The following RGPD3 variants were observed in gnomAD, a reference collection of about 807,000 sequenced individuals.
RGPD3 encodes ranBP2-like and GRIP domain-containing protein 3.
RGPD3 carries 62 observed loss-of-function variants against 154.5 expected under a neutral mutation model. The observed-to-expected ratio is 0.40, with a 90% CI of 0.33 to 0.50. The LOEUF is 0.50. RGPD3 is among the 20% of genes least tolerant of loss of function. The pLI is 0.59. For synonymous variants in RGPD3, 308 were observed against 607.0 expected, an observed-to-expected ratio of 0.51 and a Z score of 7.24; for missense variants, 919 against 1,716.8, an observed-to-expected ratio of 0.54 and a Z score of 8.21.
chr2:106,459,785 T>C (rs2104516142), intron 1 of RGPD3, among the ~76,000 whole-genome samples: 1 of 140,690 alleles, frequency 7.1e-6, no homozygotes, highest in South Asian at 2.4e-4. Flanking sequence ...GATTGTGCCA[T>C]TGCACTCCAG....
chr2:106,413,539 G>C (rs1392569138), intron 21 of RGPD3, among the ~76,000 whole-genome samples: 2 of 152,214 alleles, frequency 1.3e-5, no homozygotes. Flanking sequence ...AGCTGCATTT[G>C]CCTAGAAAGT....
intron 18 of RGPD3, among the ~76,000 whole-genome samples, chr2:106,428,740 A>C (rs532592377): frequency 1.1e-4 from 16 of 151,574 alleles, no homozygotes; most frequent in African/African-American, 3.9e-4. Context: ...TCTGTCGTAC[A>C]TAAAAGGAAC....
chr2:106,467,397 C>G (rs1231886277), intron 1 of RGPD3, among the ~76,000 whole-genome samples: 95 of 109,224 alleles, frequency 8.7e-4, no homozygotes, highest in Non-Finnish European at 9.5e-4. Context: ...CAGCGCCCGT[C>G]GGGAGCCATG....
chr2:106,448,198 C>T (rs1467796053), intron 6 of RGPD3, among the ~76,000 whole-genome samples: 5 of 151,820 alleles, frequency 3.3e-5, no homozygotes, highest in Admixed American at 6.6e-5. Flanking sequence ...ACCTCCACCT[C>T]CCAGGTTCAA....
chr2:106,405,394 G>C (rs1057059572), intron 22 of RGPD3, among the ~76,000 whole-genome samples, 165 bp from the exon 23 acceptor site: 13 of 50,716 alleles, frequency 2.6e-4, no homozygotes, highest in African/African-American at 1.0e-3. Flanking sequence ...TTTTTTTTTT[G>C]AGACAGGGTC....
intron 6 of RGPD3, among the ~76,000 whole-genome samples, chr2:106,450,952 AG>A (rs1046034094): frequency 5.9e-5 from 7 of 118,636 alleles, no homozygotes; most frequent in African/African-American, 2.1e-4. Flanking sequence ...AGCTGGGCGT[AG>A]TGGTGTGCGC....
intron 20 of RGPD3, among the ~76,000 whole-genome samples, chr2:106,420,416 G>A (rs1676944660): frequency 6.6e-6 from 1 of 151,854 alleles, no homozygotes; most frequent in Non-Finnish European, 1.5e-5. Context: ...CTGGCTAAAG[G>A]AGTTTAATAA....
At chr2:106,421,149 A>C (rs1211120711) in intron 20 of RGPD3, among the ~76,000 whole-genome samples, 4 of 152,264 alleles carry the variant, frequency 2.6e-5, no homozygotes, top group African/African-American at 4.8e-5. Context: ...CAGTAAAGAC[A>C]CCTTGGGTAA....
At position 106,434,319 on chromosome 2, in the gene RGPD3, T is replaced by G; in HGVS notation, c.2114A>C (p.Gln705Pro). The change falls in exon 15 of 23, where the codon CAA becomes CCA. Residue 705 changes from glutamine (Q) to proline (P), a missense_variant. Gln to Pro is a moderately conservative substitution (Grantham distance 76). Transcript: ENST00000409886. ...IANDALSPEE[Q>P]EECKNYLRKT... ...TCTCAGATAATTTTTGCATTCTTCT[T>G]GTTCTTCAGGAGAAAGGGCATCATT... 1 of 1,610,230 alleles carries G rather than the reference T, an allele frequency of 6.2e-7. No individual in the cohort carries two copies. Among genetic ancestry groups the G allele is most frequent in the Non-Finnish European group, 8.5e-7 (1 of 1,179,128 alleles).
Position 106,415,695 on chromosome 2 carries a change from AAAG to A in RGPD3, c.5064+152_5064+154del, listed in dbSNP as rs1676806739. ...GTCTCAAAAAAAAAAAAAAAAAAAA[AAAG>A]GCAATATTTCTCACCATCAGGAATC... is the stretch of plus-strand genomic sequence containing the variant. On this transcript the variant is annotated intron_variant, in intron 21 of 22. Coordinates refer to ENST00000409886, the MANE Select transcript of RGPD3 (RefSeq NM_001144013.2). Among the ~76,000 whole-genome samples the A allele has an allele frequency of 6.8e-5, 10 of 146,284 alleles. 1 individual carries two copies. Among genetic ancestry groups the A allele is most frequent in the Admixed American group, 6.8e-4 (10 of 14,726 alleles).
intron 8 of RGPD3, among the ~76,000 whole-genome samples, chr2:106,440,527 C>T (rs1351734298): frequency 6.8e-6 from 1 of 147,826 alleles, no homozygotes; most frequent in Non-Finnish European, 1.5e-5. Context: ...TAGAAAGTCA[C>T]TTTAAGGACT....
rs1677419142 is a variant in RGPD3, at chr2:106,433,108, T to C, written c.2383A>G (p.Lys795Glu). 1 of 1,610,186 alleles carries C rather than the reference T, an allele frequency of 6.2e-7. No homozygotes were observed. The highest frequency in any genetic ancestry group is 1.7e-5 in the Admixed American group (1 of 59,888). ...TGATTCCATTCTTTCCTGTTTACCT[T>C]GTAACTTTTACTTGGTGATAGTGAA... Reference protein sequence around the residue: ...KYSLSPSKSYKYSPKTPPRWA... With the variant: ...KYSLSPSKSYEYSPKTPPRWA... The change falls in exon 16 of 23, where the codon AAG becomes GAG. Residue 795 changes from lysine (K) to glutamate (E), a missense_variant and splice_region_variant. Physicochemically the swap from Lys to Glu is moderately conservative, Grantham distance 56. Transcript: ENST00000409886.
intron 11 of RGPD3, 70 bp downstream of exon 11, chr2:106,436,344 C>T: frequency 6.2e-7 from 1 of 1,610,676 alleles, no homozygotes; most frequent in Non-Finnish European, 8.5e-7. Flanking sequence ...ATTAAATCTT[C>T]ACACGAGGAT....
chr2:106,421,735 A>C (rs1448665161), intron 20 of RGPD3, among the ~76,000 whole-genome samples: 1 of 151,942 alleles, frequency 6.6e-6, no homozygotes, highest in East Asian at 1.9e-4. Flanking sequence ...ACACTCTTCC[A>C]TACTGTATAC....
At chr2:106,467,656 G>C (rs1185447224) in intron 1 of RGPD3, among the ~76,000 whole-genome samples, 1 of 143,230 alleles carries the variant, frequency 7.0e-6, no homozygotes, top group Non-Finnish European at 1.5e-5. Flanking sequence ...GCGCCAGGGA[G>C]CAGCGCCCGT....
At chr2:106,426,166 A>G (rs1279696731) in intron 18 of RGPD3, 78 bp from the exon 19 acceptor site, 1 of 1,535,950 alleles carries the variant, frequency 6.5e-7, no homozygotes, top group African/African-American at 1.4e-5. Context: ...AAGAGCTACA[A>G]ATACAAAAGC....
Position 106,449,745 on chromosome 2 carries a change from C to T in RGPD3, c.783-2132G>A, listed in dbSNP as rs1268827205. Among the ~76,000 whole-genome samples the T allele has an allele frequency of 6.6e-5, 10 of 151,884 alleles. No homozygotes were observed. The South Asian group carries it at 1.2e-3, about 19-fold the overall frequency. ...TCAAGAGATCGAGACCAGCCGGGCG[C>T]GGTGGCTCATGCCTGTAATCCCAGC... is the stretch of plus-strand genomic sequence containing the variant. On this transcript the variant is annotated intron_variant, in intron 6 of 22. Coordinates refer to ENST00000409886, the MANE Select transcript of RGPD3 (RefSeq NM_001144013.2).
intron 17 of RGPD3, among the ~76,000 whole-genome samples, chr2:106,431,438 G>GTCTTA (rs1193360273): frequency 6.6e-6 from 1 of 151,782 alleles, no homozygotes; most frequent in Non-Finnish European, 1.5e-5. Flanking sequence ...AAGCCAAACG[G>GTCTTA]TCACAAAGGA....
intron 20 of RGPD3, among the ~76,000 whole-genome samples, chr2:106,421,746 A>G (rs955614843): frequency 1.3e-5 from 2 of 151,880 alleles, no homozygotes; most frequent in Admixed American, 6.6e-5. Context: ...TACTGTATAC[A>G]TGCCGTTGCC....
Sources: gnomAD v4.1 joint callset for allele counts (sites outside exome capture counted in the v4.1 genomes callset) on GRCh38, gnomAD v4.1.1 for gene constraint, MANE v1.5 for transcripts, NCBI Gene and HGNC (gene_info 2026-07-23, HGNC 2026-07-21) for gene names.